Variants in PIP5K1B observed in about 807,000 individuals in gnomAD.
PIP5K1B encodes the protein phosphatidylinositol 4-phosphate 5-kinase type-1 beta.
A neutral mutation model predicts 67.0 loss-of-function variants in PIP5K1B; 42 were observed. The ratio of observed to expected loss-of-function variants is 0.63; its 90% CI spans 0.49 to 0.81. The LOEUF is 0.81. Among genes scored for constraint, PIP5K1B ranks in the 30% least tolerant of loss-of-function variants. The probability of loss-of-function intolerance (pLI) is 0.00; values close to 1 mark genes in which losing one functional copy is unlikely to be tolerated. For missense variants in PIP5K1B, 459 were observed against 646.3 expected, an observed-to-expected ratio of 0.71 and a Z score of 3.14; for synonymous variants, 214 against 231.4, an observed-to-expected ratio of 0.92 and a Z score of 0.68.
chr9:68,863,796 G>A, intron 4 of PIP5K1B, 41 bp from the exon 5 acceptor site: 1 of 1,594,948 alleles, frequency 6.3e-7, no homozygotes, highest in East Asian at 2.2e-5. Flanking sequence ...ACAAGGCCCT[G>A]ACTGTTAAGA....
At chr9:68,998,814 G>A (rs775983538) in intron 15 of PIP5K1B, among the ~76,000 whole-genome samples, 16 of 152,116 alleles carry the variant, frequency 1.1e-4, no homozygotes, top group Non-Finnish European at 2.2e-4. Context: ...AATGCTTAAG[G>A]ACTATTCGGT....
chr9:68,900,600 A>T (rs1825310431), intron 8 of PIP5K1B, among the ~76,000 whole-genome samples: 1 of 152,222 alleles, frequency 6.6e-6, no homozygotes, highest in Non-Finnish European at 1.5e-5. Context: ...TATATTAGTG[A>T]GAACTTGTGT....
intron 8 of PIP5K1B, among the ~76,000 whole-genome samples, chr9:68,911,373 C>CAA (rs1182174351): frequency 7.4e-5 from 3 of 40,816 alleles, no homozygotes; most frequent in African/African-American, 1.7e-4. Flanking sequence ...AACTCCATCT[C>CAA]AAATAAAAAA....
chr9:68,732,857 A>C (rs1353612964), intron 1 of PIP5K1B, among the ~76,000 whole-genome samples: 2 of 143,758 alleles, frequency 1.4e-5, no homozygotes, highest in Admixed American at 1.4e-4. Flanking sequence ...GATTACTGGC[A>C]CAGTGGGCAG....
At chr9:68,835,000 G>A (rs1351172025) in intron 4 of PIP5K1B, among the ~76,000 whole-genome samples, 1 of 150,460 alleles carries the variant, frequency 6.6e-6, no homozygotes, top group African/African-American at 2.5e-5. Flanking sequence ...ATTAAAGGCA[G>A]CCCTTAGATG....
chr9:68,912,556 C>A (rs555195873), intron 8 of PIP5K1B, among the ~76,000 whole-genome samples: 1 of 152,228 alleles, frequency 6.6e-6, no homozygotes, highest in East Asian at 1.9e-4. Context: ...AGACTTGGCA[C>A]GGATTAACTC....
chr9:68,997,171 A>G (rs1182052059), intron 15 of PIP5K1B, among the ~76,000 whole-genome samples: 1 of 152,196 alleles, frequency 6.6e-6, no homozygotes, highest in African/African-American at 2.4e-5. Flanking sequence ...GATTGAATTA[A>G]CAGCTTATCA....
At chr9:68,773,588 G>A (rs1830767546) in intron 2 of PIP5K1B, among the ~76,000 whole-genome samples, 1 of 152,200 alleles carries the variant, frequency 6.6e-6, no homozygotes, top group Non-Finnish European at 1.5e-5. Context: ...GGCCTAGCCT[G>A]TAAGATTCTT....
At chr9:68,811,483 CTG>C (rs1342993363) in intron 2 of PIP5K1B, among the ~76,000 whole-genome samples, 1 of 152,112 alleles carries the variant, frequency 6.6e-6, no homozygotes, top group Non-Finnish European at 1.5e-5. Context: ...CTCCCCCAAC[CTG>C]TGTGTCTTAG....
intron 1 of PIP5K1B, among the ~76,000 whole-genome samples, chr9:68,738,258 A>C (rs1292640453): frequency 6.6e-6 from 1 of 152,330 alleles, no homozygotes; most frequent in South Asian, 2.1e-4. Context: ...AATAATGAGA[A>C]CTTCTAAAAT....
At chr9:68,938,818 T>C (rs1386630284) in intron 13 of PIP5K1B, among the ~76,000 whole-genome samples, 3 of 152,128 alleles carry the variant, frequency 2.0e-5, no homozygotes, top group African/African-American at 7.2e-5. Flanking sequence ...TCCATCCACA[T>C]TCCCTACCAT....
At chr9:68,882,983 T>C (rs1306824561) in intron 6 of PIP5K1B, among the ~76,000 whole-genome samples, 2 of 152,180 alleles carry the variant, frequency 1.3e-5, no homozygotes, top group African/African-American at 4.8e-5. Flanking sequence ...GGAATGAGTA[T>C]ATTGTAGGCC....
chr9:68,828,434 C>T (rs541172638), intron 4 of PIP5K1B, among the ~76,000 whole-genome samples: 1 of 152,356 alleles, frequency 6.6e-6, no homozygotes, highest in East Asian at 1.9e-4. Flanking sequence ...AGGACACCTA[C>T]AGGATCCTTG....
intron 4 of PIP5K1B, among the ~76,000 whole-genome samples, chr9:68,838,762 A>G (rs990939230): frequency 6.6e-6 from 1 of 152,158 alleles, no homozygotes; most frequent in Non-Finnish European, 1.5e-5. Context: ...CTTGAAATAA[A>G]TTTTTTAATT....
intron 14 of PIP5K1B, among the ~76,000 whole-genome samples, chr9:68,973,026 A>G (rs1351341285): frequency 6.6e-6 from 1 of 152,238 alleles, no homozygotes; most frequent in Non-Finnish European, 1.5e-5. Flanking sequence ...AAATAACGAG[A>G]GTGATTTTTA....
At chr9:68,945,202 G>A (rs554309897) in intron 14 of PIP5K1B, among the ~76,000 whole-genome samples, 38 of 152,140 alleles carry the variant, frequency 2.5e-4, no homozygotes, top group Admixed American at 2.5e-3. Context: ...CTGGAGTGCA[G>A]TGGTGCCATC....
chr9:68,902,697 A>G (rs939063590), intron 8 of PIP5K1B, among the ~76,000 whole-genome samples: 1 of 152,228 alleles, frequency 6.6e-6, no homozygotes, highest in Non-Finnish European at 1.5e-5. Flanking sequence ...ACTCTTTTCC[A>G]GAGTGGTTGC....
chr9:68,766,696 T>G (rs1312342897), intron 2 of PIP5K1B, among the ~76,000 whole-genome samples: 1 of 152,208 alleles, frequency 6.6e-6, no homozygotes, highest in Non-Finnish European at 1.5e-5. Context: ...AATTTTCAAC[T>G]ATTTTTTTCT....
intron 2 of PIP5K1B, chr9:68,780,480 G>C (rs751364709): frequency 8.7e-6 from 14 of 1,614,114 alleles, no homozygotes; most frequent in Non-Finnish European, 3.4e-6. Flanking sequence ...CCACGAACGG[G>C]AGGTGCAGAC....
Sources: allele counts gnomAD v4.1 joint callset (sites outside exome capture counted in the v4.1 genomes callset), GRCh38; gene constraint gnomAD v4.1.1; transcripts MANE v1.5; gene names NCBI Gene and HGNC (gene_info 2026-07-23, HGNC 2026-07-21).